The following LONP2 variants were observed in gnomAD, a reference collection of about 807,000 sequenced individuals.
LONP2 encodes the protein lon peptidase 2, peroxisomal, also known as lon protease homolog 2, peroxisomal.
In LONP2, 60 loss-of-function variants were observed where a neutral mutation model predicts 85.6. The ratio of observed to expected loss-of-function variants is 0.70; its 90% CI spans 0.57 to 0.87. LONP2 has a LOEUF of 0.87. Among genes scored for constraint, LONP2 ranks in the 40% least tolerant of loss-of-function variants. The pLI, the probability that LONP2 is intolerant of heterozygous loss-of-function variation, is 0.00. For missense variants in LONP2, 860 were observed against 1,063.5 expected, an observed-to-expected ratio of 0.81 and a Z score of 2.66; for synonymous variants, 395 against 389.7, an observed-to-expected ratio of 1.01 and a Z score of -0.16.
At chr16:48,296,722 CAA>C (rs911933648) in intron 9 of LONP2, among the ~76,000 whole-genome samples, 26 of 58,888 alleles carry the variant, frequency 4.4e-4, no homozygotes, top group Non-Finnish European at 3.4e-4. Context: ...AACTCCATTT[CAA>C]AAAAAAAAAA....
chr16:48,279,198 T>C (rs1163881025), intron 8 of LONP2, among the ~76,000 whole-genome samples: 1 of 151,686 alleles, frequency 6.6e-6, no homozygotes. Flanking sequence ...TTTAGTCTCT[T>C]TTATATTAGA....
At chr16:48,295,856 GAA>G (rs543742037) in intron 8 of LONP2, among the ~76,000 whole-genome samples, 157 bp from the exon 9 acceptor site, 110 of 152,318 alleles carry the variant, frequency 7.2e-4, no homozygotes, top group Middle Eastern at 3.4e-3. Flanking sequence ...AGAATGTAGA[GAA>G]TGCAAATAAT....
Position 48,244,439 on chromosome 16 carries a change from C to T in LONP2, c.51C>T (p.Leu17=). 1.3e-6 allele frequency: 2 copies of T among 1,594,466 alleles called. No homozygotes were observed. The highest frequency in any genetic ancestry group is 1.7e-6 in the Non-Finnish European group (2 of 1,174,906). Residue 17 remains leucine, a synonymous_variant, in exon 1 of 15, where the codon CTC becomes CTT. Transcript: ENST00000285737. ...IQIPSRLPLL[L]THEGVLLPGS... ...TCCCCAGTCGCCTCCCGCTGCTGCTCACCCACGAGGGCGTCCTGCTGCCCG... is the reference window on the plus strand; with the variant it reads ...TCCCCAGTCGCCTCCCGCTGCTGCTTACCCACGAGGGCGTCCTGCTGCCCG...
intron 6 of LONP2, among the ~76,000 whole-genome samples, chr16:48,266,071 TTG>T (rs1473272492): frequency 6.6e-6 from 1 of 152,174 alleles, no homozygotes; most frequent in African/African-American, 2.4e-5. Context: ...TGGCATGATC[TTG>T]GCTCACTGCA....
chr16:48,339,705 G>A (rs1214759812), intron 12 of LONP2, among the ~76,000 whole-genome samples: 1 of 152,208 alleles, frequency 6.6e-6, no homozygotes, highest in African/African-American at 2.4e-5. Flanking sequence ...AATGGCTTTT[G>A]TTGGGAGAAG....
intron 8 of LONP2, among the ~76,000 whole-genome samples, chr16:48,284,422 A>G (rs1447718625): frequency 6.6e-6 from 1 of 152,168 alleles, no homozygotes; most frequent in Non-Finnish European, 1.5e-5. Flanking sequence ...AGATGAAGCA[A>G]ATTTTACTGT....
At chr16:48,266,329 T>A (rs1181463913) in intron 6 of LONP2, among the ~76,000 whole-genome samples, 1 of 144,988 alleles carries the variant, frequency 6.9e-6, no homozygotes, top group Non-Finnish European at 1.5e-5. Context: ...GGAGAAAGGT[T>A]TTTTTTTTTT....
intron 7 of LONP2, among the ~76,000 whole-genome samples, chr16:48,276,028 A>T (rs975916003): frequency 5.9e-5 from 9 of 152,160 alleles, no homozygotes; most frequent in African/African-American, 2.2e-4. Flanking sequence ...GAGATTCTTT[A>T]AAAAAATTCC....
intron 11 of LONP2, among the ~76,000 whole-genome samples, chr16:48,329,111 C>T (rs369523211): frequency 2.6e-5 from 4 of 152,152 alleles, no homozygotes; most frequent in Non-Finnish European, 5.9e-5. Flanking sequence ...AACTCTTTTA[C>T]CATTTTGGAC....
chr16:48,341,775 G>C (rs1029901032), intron 12 of LONP2, among the ~76,000 whole-genome samples: 3 of 152,130 alleles, frequency 2.0e-5, no homozygotes, highest in Non-Finnish European at 4.4e-5. Context: ...AAAAATAAAG[G>C]TTACTACAAA....
intron 9 of LONP2, among the ~76,000 whole-genome samples, chr16:48,298,667 G>GTGTGTGTA (rs1972731196): frequency 6.7e-6 from 1 of 148,496 alleles, no homozygotes; most frequent in Admixed American, 6.7e-5. Context: ...GTGTGTGTGT[G>GTGTGTGTA]TGTTTCAAGT....
chr16:48,299,411 C>G (rs931347992), intron 9 of LONP2, among the ~76,000 whole-genome samples: 2 of 151,608 alleles, frequency 1.3e-5, no homozygotes, highest in African/African-American at 4.8e-5. Context: ...TTGGCAAAGC[C>G]CTGTCTACTG....
chr16:48,336,616 G>A (rs1959657343), intron 12 of LONP2: 1 of 356,678 alleles, frequency 2.8e-6, no homozygotes, highest in African/African-American at 2.1e-5. Flanking sequence ...GCTGGCAGGG[G>A]CGGGGGTCAC....
chr16:48,346,025 C>T (rs934556924), intron 12 of LONP2: 2 of 126,758 alleles, frequency 1.6e-5, no homozygotes, highest in African/African-American at 6.1e-5. Flanking sequence ...GCCCAGGCGA[C>T]AGAGTGAGAC....
chr16:48,347,682 G>A lies in LONP2; in HGVS notation c.2114G>A (p.Arg705His). Residue 705 changes from arginine to histidine, a missense_variant, in exon 13 of 15, where the codon CGC becomes CAC. This residue lies in a region of LONP2 where 743 missense variants were observed against 917.3 expected (regional missense o/e 0.81). Coordinates refer to ENST00000285737, the MANE Select transcript of LONP2 (RefSeq NM_031490.5). ...GCCCACCTCGCTATCAGCTGGCTCCGCAGCAACGCAAAGAAGTACCAGCTG... is the reference window on the plus strand; with the variant it reads ...GCCCACCTCGCTATCAGCTGGCTCCACAGCAACGCAAAGAAGTACCAGCTG... Reference protein sequence around the residue: ...ESAHLAISWLRSNAKKYQLTN... With the variant: ...ESAHLAISWLHSNAKKYQLTN... 1.2e-6 allele frequency: 2 copies of A among 1,613,914 alleles called. No individual in the cohort carries two copies. The highest frequency in any genetic ancestry group is 1.7e-6 in the Non-Finnish European group (2 of 1,179,970).
intron 8 of LONP2, among the ~76,000 whole-genome samples, chr16:48,287,373 C>T (rs1393302331): frequency 6.6e-6 from 1 of 152,218 alleles, no homozygotes; most frequent in African/African-American, 2.4e-5. Context: ...CCCAGTTTTT[C>T]CATTTAAGTT....
Position 48,334,236 on chromosome 16 carries a change from GA to G in LONP2, c.1818del (p.Asp607MetfsTer22), listed in dbSNP as rs1959566251. ...TTTAGGTTGCAGAGAACACATCTTAGAAGATGAAAAACCTGAATCTATCAGT... is the reference window on the plus strand; with the variant it reads ...TTTAGGTTGCAGAGAACACATCTTAGAGATGAAAAACCTGAATCTATCAGT... ...EREGCREHIL[E>X]DEKPESISDT... On this transcript the variant is annotated frameshift_variant, in exon 12 of 15. Transcript: ENST00000285737. LOFTEE classifies it high-confidence loss of function. The G allele has an allele frequency of 6.2e-7, 1 of 1,613,812 alleles. No individual in the cohort carries two copies. Among genetic ancestry groups the G allele is most frequent in the East Asian group, 2.2e-5 (1 of 44,886 alleles).
At chr16:48,310,291 A>T (rs886583479) in intron 11 of LONP2, among the ~76,000 whole-genome samples, 1 of 151,170 alleles carries the variant, frequency 6.6e-6, no homozygotes, top group African/African-American at 2.4e-5. Context: ...GTTAATACTG[A>T]TGCATGAGGT....
At chr16:48,350,079 A>G (rs1960092495) in intron 14 of LONP2, among the ~76,000 whole-genome samples, 1 of 152,156 alleles carries the variant, frequency 6.6e-6, no homozygotes, top group Admixed American at 6.6e-5. Flanking sequence ...TATCTCTACA[A>G]AAATTGTTTT....
Sources: gnomAD v4.1 joint callset for allele counts (sites outside exome capture counted in the v4.1 genomes callset) on GRCh38, gnomAD v4.1.1 for gene constraint, gnomAD v4.1.1 regional missense constraint, MANE v1.5 for transcripts, NCBI Gene and HGNC (gene_info 2026-07-23, HGNC 2026-07-21) for gene names.